The following KLHDC4 variants were observed in gnomAD, a reference collection of about 807,000 sequenced individuals.
The protein encoded by KLHDC4 is kelch domain containing 4.
KLHDC4 carries 90 observed loss-of-function variants against 62.4 expected under a neutral mutation model. The ratio of observed to expected loss-of-function variants is 1.44; its 90% CI spans 1.22 to 1.72. The LOEUF (loss-of-function observed/expected upper bound fraction) is 1.72, where lower values mean the gene tolerates loss of function less well. Ranked by LOEUF, KLHDC4 falls within the 40% of genes most tolerant of loss-of-function variation. The probability of loss-of-function intolerance (pLI) is 0.00; values close to 1 mark genes in which losing one functional copy is unlikely to be tolerated. For missense variants in KLHDC4, 1,025 were observed against 699.7 expected, an observed-to-expected ratio of 1.47 and a Z score of -5.25; for synonymous variants, 386 against 284.4, an observed-to-expected ratio of 1.36 and a Z score of -3.59.
intron 5 of KLHDC4, among the ~76,000 whole-genome samples, chr16:87,745,284 G>A (rs990384034): frequency 6.0e-5 from 9 of 151,014 alleles, no homozygotes; most frequent in African/African-American, 1.5e-4. Context: ...TTCTGCTCTT[G>A]CAGCACCCGC....
At chr16:87,703,704 AAAAC>A (rs2034308604), downstream of KLHDC4, among the ~76,000 whole-genome samples, 1 of 152,162 alleles carries the variant, frequency 6.6e-6, no homozygotes, top group South Asian at 2.1e-4. Context: ...TGAGACAAGG[AAAAC>A]GGGCGTGAGC....
rs189243168 is a variant in KLHDC4, at chr16:87,711,413, G to A, written c.866C>T (p.Ser289Leu). Residue 289 changes from serine to leucine, a missense_variant, in exon 9 of 12, where the codon TCG (serine) becomes TTG (leucine). By Grantham distance (145) the Ser-to-Leu change is moderately radical. Transcript: ENST00000270583. ...DKWVWTRMNP[S>L]GVKPTPRSGF... ...AGACCGTGGGGTGGGCTTGACCCCC[G>A]AAGGGTTCATCCGAGTCCAAACCCA... is the stretch of plus-strand genomic sequence containing the variant. The A allele has an allele frequency of 1.3e-4, 205 of 1,612,798 alleles. No individual in the cohort carries two copies. Among genetic ancestry groups the A allele is most frequent in the Middle Eastern group, 4.9e-4 (3 of 6,062 alleles).
At chr16:87,701,888 G>A (rs1424243497) in exon 1 of KLHDC4, 1 of 456,466 alleles carries the variant, frequency 2.2e-6, no homozygotes, top group Non-Finnish European at 4.4e-6. Flanking sequence ...CCAGGGAGTG[G>A]AGGATGGGGC....
intron 5 of KLHDC4, among the ~76,000 whole-genome samples, chr16:87,741,419 G>C (rs575795382): frequency 1.3e-4 from 20 of 152,316 alleles, no homozygotes; most frequent in African/African-American, 4.8e-4. Flanking sequence ...AGCAGCATTA[G>C]ACTCTCACAG....
rs1597461988 is a variant in KLHDC4, at chr16:87,765,856, C to T, written c.35G>A (p.Arg12His). 6.4e-7 allele frequency: 1 copy of T among 1,553,584 alleles called. No individual in the cohort carries two copies. The highest frequency in any genetic ancestry group is 8.7e-7 in the Non-Finnish European group (1 of 1,147,900). ...GKKGKKEKKG[R>H]GAEKTAAKME... ...CTTGGCGGCCGTCTTCTCCGCGCCG[C>T]GGCCCTTCTTCTCCTTCTTGCCCTT... Residue 12 changes from arginine to histidine, a missense_variant, in exon 1 of 12, where the codon CGC becomes CAC. Coordinates refer to ENST00000270583, the MANE Select transcript of KLHDC4 (RefSeq NM_017566.4).
exon 1 of KLHDC4, chr16:87,701,545 T>A (rs113060137): frequency 0.035 from 13,889 of 394,944 alleles, 339 homozygotes; most frequent in Middle Eastern, 0.095. Flanking sequence ...AGTGTGGGCG[T>A]GAGCTCACCC....
chr16:87,708,160 G>A (rs2035019781), intron 11 of KLHDC4, 85 bp from the exon 12 acceptor site: 1 of 630,992 alleles, frequency 1.6e-6, no homozygotes, highest in Non-Finnish European at 2.9e-6. Context: ...AGAACACCGG[G>A]TTTTCAGGGA....
At chr16:87,740,860 C>CTTA (rs1341987559) in intron 5 of KLHDC4, 1 of 152,140 alleles carries the variant, frequency 6.6e-6, no homozygotes, top group Non-Finnish European at 1.5e-5. Context: ...CACACAGAAA[C>CTTA]AAAAATAAGA....
chr16:87,721,414 TAAA>T (rs1176744434), intron 7 of KLHDC4, among the ~76,000 whole-genome samples: 15 of 78,896 alleles, frequency 1.9e-4, no homozygotes, highest in South Asian at 4.5e-4. Flanking sequence ...ACTCTGTCTC[TAAA>T]AAAAAAAAAA....
chr16:87,716,383 G>A (rs888068469), intron 7 of KLHDC4, among the ~76,000 whole-genome samples: 2 of 152,206 alleles, frequency 1.3e-5, no homozygotes, highest in Non-Finnish European at 2.9e-5. Context: ...CTGACGCAGA[G>A]TTCGGCTATG....
chr16:87,706,382 C>T (rs767463772), downstream of KLHDC4, among the ~76,000 whole-genome samples: 20 of 95,448 alleles, frequency 2.1e-4, no homozygotes, highest in Non-Finnish European at 3.5e-4. Context: ...GGGGGGTCGG[C>T]GTGGGGGGGT....
At chr16:87,722,572 G>C (rs1312074010) in intron 7 of KLHDC4, among the ~76,000 whole-genome samples, 1 of 152,250 alleles carries the variant, frequency 6.6e-6, no homozygotes, top group Non-Finnish European at 1.5e-5. Flanking sequence ...CACGCAAGTG[G>C]ACAGAAGACT....
chr16:87,755,357 A>G, intron 3 of KLHDC4, 65 bp from the exon 4 acceptor site: 1 of 858,556 alleles, frequency 1.2e-6, no homozygotes, highest in South Asian at 1.4e-5. Context: ...GGTGAGAACA[A>G]TCTTAATCAT....
intron 1 of KLHDC4, 80 bp from the exon 2 acceptor site, chr16:87,762,120 A>G (rs1236696589): frequency 6.3e-7 from 1 of 1,581,478 alleles, no homozygotes; most frequent in Non-Finnish European, 8.6e-7. Context: ...CTTTCCTCCA[A>G]TCAGTGTGAT....
In KLHDC4 at chr16:87,709,578, G is replaced by A. The variant is rs1457014898; in HGVS notation, c.1134C>T (p.Thr378=). The change falls in exon 10 of 12, where the codon ACC becomes ACT. Residue 378 remains threonine, a synonymous_variant. Coordinates refer to ENST00000270583, the MANE Select transcript of KLHDC4 (RefSeq NM_017566.4). ...CCTTGACCAGCTGCACAGGCCCCTG[G>A]GTGCCAGCTCCCCCACACGCCGGCC... ...GSRPACGGAG[T]QGPVQLVKEV... The A allele has an allele frequency of 3.3e-5, 54 of 1,613,012 alleles. No homozygotes were observed. Among genetic ancestry groups the A allele is most frequent in the Non-Finnish European group, 4.5e-5 (53 of 1,179,926 alleles).
chr16:87,751,552 G>C (rs773686047), intron 4 of KLHDC4, among the ~76,000 whole-genome samples: 9 of 151,906 alleles, frequency 5.9e-5, no homozygotes, highest in Non-Finnish European at 1.0e-4. Context: ...AGGGAGAATA[G>C]ACAATGGACT....
intron 7 of KLHDC4, among the ~76,000 whole-genome samples, chr16:87,716,371 T>C (rs1328956145): frequency 6.6e-6 from 1 of 152,176 alleles, no homozygotes; most frequent in Admixed American, 6.5e-5. Context: ...GTCTCGTGGA[T>C]ACTGACGCAG....
intron 5 of KLHDC4, among the ~76,000 whole-genome samples, chr16:87,745,306 C>T (rs2042880488): frequency 6.6e-6 from 1 of 151,946 alleles, no homozygotes; most frequent in Non-Finnish European, 1.5e-5. Context: ...CCGGGGCCAC[C>T]TCTTGGTGCC....
chr16:87,751,334 C>T (rs1003742106), intron 4 of KLHDC4, among the ~76,000 whole-genome samples: 5 of 152,006 alleles, frequency 3.3e-5, no homozygotes, highest in African/African-American at 1.2e-4. Context: ...ATTAGCCAGA[C>T]GTGGTGGCAT....
Sources: allele counts gnomAD v4.1 joint callset (sites outside exome capture counted in the v4.1 genomes callset), GRCh38; gene constraint gnomAD v4.1.1; transcripts MANE v1.5; gene names NCBI Gene and HGNC (gene_info 2026-07-23, HGNC 2026-07-21).